Variants in CASZ1 observed in about 807,000 individuals in gnomAD.
The protein encoded by CASZ1 is castor zinc finger 1.
In CASZ1, 28 loss-of-function variants were observed where a neutral mutation model predicts 135.2. That is an observed-to-expected ratio of 0.21 (90% confidence interval 0.15 to 0.28). The LOEUF is 0.28. Among genes scored for constraint, CASZ1 ranks in the 10% least tolerant of loss-of-function variants. The pLI, the probability that CASZ1 is intolerant of heterozygous loss-of-function variation, is 1.00. For synonymous variants in CASZ1, 1,068 were observed against 1,073.4 expected, an observed-to-expected ratio of 0.99 and a Z score of 0.10; for missense variants, 2,161 against 2,453.3, an observed-to-expected ratio of 0.88 and a Z score of 2.52.
chr1:10,749,164 A>G (rs1245094631), intron 2 of CASZ1, among the ~76,000 whole-genome samples: 1 of 152,058 alleles, frequency 6.6e-6, no homozygotes, highest in Non-Finnish European at 1.5e-5. Flanking sequence ...ACACAGCCAG[A>G]TGGTCTCCAC....
rs371445629 is a variant in CASZ1 at position 10,660,509 on chromosome 1, G to T, written c.533C>A (p.Ala178Glu). The change falls in exon 6 of 21, where the codon GCG (alanine) becomes GAG (glutamate). Residue 178 changes from alanine (A) to glutamate (E), a missense_variant. By Grantham distance (107) the Ala-to-Glu change is moderately radical (BLOSUM62 -1). This residue lies in a region of CASZ1 where 590 missense variants were observed against 609.8 expected (regional missense o/e 0.97). Transcript: ENST00000377022. Reference protein sequence around the residue: ...SGEASSLRDYAASTMTEFLGM... With the variant: ...SGEASSLRDYEASTMTEFLGM... ...GAGGAACTCGGTCATGGTGGAGGCC[G>T]CGTAGTCCCGCAGCGAGGAGGCCTC... is the stretch of plus-strand genomic sequence containing the variant. 1 of 1,613,494 alleles carries T rather than the reference G, an allele frequency of 6.2e-7. No homozygotes were observed. Among genetic ancestry groups the T allele is most frequent in the Admixed American group, 1.7e-5 (1 of 60,008 alleles).
intron 4 of CASZ1, among the ~76,000 whole-genome samples, chr1:10,668,608 C>T (rs531700530): frequency 2.0e-4 from 30 of 152,350 alleles, no homozygotes; most frequent in Admixed American, 1.3e-3. Flanking sequence ...CTGCTGGTGG[C>T]GGTGCTCTTG....
chr1:10,780,474 T>C (rs1348485353), intron 1 of CASZ1, among the ~76,000 whole-genome samples: 1 of 152,152 alleles, frequency 6.6e-6, no homozygotes, highest in African/African-American at 2.4e-5. Context: ...CCCTCCCCGG[T>C]GGCCCCAGCT....
At chr1:10,680,505 G>C (rs1638379506) in intron 4 of CASZ1, among the ~76,000 whole-genome samples, 1 of 152,208 alleles carries the variant, frequency 6.6e-6, no homozygotes, top group Non-Finnish European at 1.5e-5. Context: ...CTCTGCCCTA[G>C]GGATCCTGGG....
At chr1:10,738,918 GTT>G (rs752101102) in intron 2 of CASZ1, among the ~76,000 whole-genome samples, 724 of 69,120 alleles carry the variant, frequency 0.01, 12 homozygotes, top group African/African-American at 0.036. Flanking sequence ...ATGAAGGAAG[GTT>G]TTTTTTTTTT....
intron 2 of CASZ1, among the ~76,000 whole-genome samples, chr1:10,736,950 C>T (rs1286686370): frequency 6.6e-6 from 1 of 152,192 alleles, no homozygotes; most frequent in East Asian, 1.9e-4. Context: ...GGAGCTGTGC[C>T]ACACTTCACC....
chr1:10,742,033 G>T (rs1203499712), intron 2 of CASZ1, among the ~76,000 whole-genome samples: 3 of 151,954 alleles, frequency 2.0e-5, no homozygotes, highest in Non-Finnish European at 4.4e-5. Flanking sequence ...CGGTGGTTCC[G>T]AGACACACTG....
rs1055579383 is a variant in CASZ1 at position 10,666,332 on chromosome 1, C to T, written c.17-761G>A. 1.3e-5 allele frequency among the ~76,000 whole-genome samples: 2 copies of T among 152,212 alleles called. No homozygotes were observed. The highest frequency in any genetic ancestry group is 2.9e-5 in the Non-Finnish European group (2 of 68,030). ...GTCTTCTCCAGCCCTTGCCAGCCCC[C>T]TCTTGGCCTCTCTGTCCATTTCCTG... On this transcript the variant is annotated intron_variant, in intron 4 of 20. Transcript: ENST00000377022. This position sits in a 1 kb window ranked among gnomAD's most constrained non-coding sequence, Gnocchi z 5.2.
intron 2 of CASZ1, among the ~76,000 whole-genome samples, chr1:10,753,951 T>C (rs1180106584): frequency 1.3e-5 from 2 of 152,204 alleles, no homozygotes; most frequent in African/African-American, 4.8e-5. Context: ...CTACGGGATC[T>C]GAGGGCCCCC....
chr1:10,712,847 A>G (rs1301968935), intron 2 of CASZ1, among the ~76,000 whole-genome samples: 2 of 152,214 alleles, frequency 1.3e-5, no homozygotes, highest in African/African-American at 4.8e-5. Context: ...CATGCTCCCC[A>G]GATAACTTTT....
intron 2 of CASZ1, among the ~76,000 whole-genome samples, chr1:10,744,318 T>G (rs1163829494): frequency 1.1e-4 from 14 of 131,680 alleles, no homozygotes; most frequent in South Asian, 2.6e-4. Context: ...GGGGGTGGGG[T>G]GGGGGGCATT....
chr1:10,766,144 C>G (rs551663585), intron 1 of CASZ1, among the ~76,000 whole-genome samples: 1 of 152,072 alleles, frequency 6.6e-6, no homozygotes, highest in South Asian at 2.1e-4. Context: ...TCTGCAGGAA[C>G]CAAATACCGT....
chr1:10,640,134 G>T, intron 20 of CASZ1, 75 bp from the exon 21 acceptor site: 1 of 1,526,008 alleles, frequency 6.6e-7, no homozygotes, highest in South Asian at 1.3e-5. Flanking sequence ...ACCCACATGG[G>T]ACCCCTGATC....
At chr1:10,763,977 C>T (rs764972068) in intron 1 of CASZ1, among the ~76,000 whole-genome samples, 5 of 152,230 alleles carry the variant, frequency 3.3e-5, no homozygotes, top group Non-Finnish European at 5.9e-5. Context: ...ATTCTCCTGC[C>T]TCAGCCTCCC....
chr1:10,716,798 G>A (rs1639402825), intron 2 of CASZ1, among the ~76,000 whole-genome samples: 1 of 152,196 alleles, frequency 6.6e-6, no homozygotes, highest in African/African-American at 2.4e-5. Flanking sequence ...GCTGAGACCC[G>A]GCCCTGAGCA....
chr1:10,761,957 A>C (rs1326343392), intron 1 of CASZ1, among the ~76,000 whole-genome samples: 1 of 152,088 alleles, frequency 6.6e-6, no homozygotes, highest in African/African-American at 2.4e-5. Flanking sequence ...TGCAGCAGCC[A>C]CAGCAGCTCT....
chr1:10,659,067 C>T (rs1022951471), intron 6 of CASZ1, among the ~76,000 whole-genome samples: 2 of 152,182 alleles, frequency 1.3e-5, no homozygotes, highest in Admixed American at 1.3e-4. Flanking sequence ...CTCGCTCAGC[C>T]CCACACCATC....
At position 10,676,543 on chromosome 1, in the gene CASZ1, C is replaced by T. The variant is rs1360119971; in HGVS notation, c.17-10972G>A. Among the ~76,000 whole-genome samples, 2 of 152,090 alleles carry T rather than the reference C, an allele frequency of 1.3e-5. No individual in the cohort carries two copies. Among genetic ancestry groups the T allele is most frequent in the Non-Finnish European group, 2.9e-5 (2 of 68,010 alleles). ...AACAAAGGGGCTCTCCTCCTGGGCTCCTCCATCTCTCTCTGTGCCTCTCCA... is the reference window on the plus strand; with the variant it reads ...AACAAAGGGGCTCTCCTCCTGGGCTTCTCCATCTCTCTCTGTGCCTCTCCA... On this transcript the variant is annotated intron_variant, in intron 4 of 20. Transcript: ENST00000377022. The surrounding 1 kb of genome is among the most constrained non-coding windows in gnomAD (Gnocchi z 4.5).
In CASZ1 at chr1:10,741,960, G is replaced by C. The variant is rs1366111987; in HGVS notation, c.-77+18741C>G. On this transcript the variant is annotated intron_variant, in intron 2 of 20. Transcript: ENST00000377022. This position sits in a 1 kb window ranked among gnomAD's most constrained non-coding sequence, Gnocchi z 5.0. ...ACCTAATGTGCCTAACCCAGCAAGC[G>C]CCGAGACACGGACCCCTCACCGCTT... Among the ~76,000 whole-genome samples the C allele has an allele frequency of 4.6e-5, 7 of 151,924 alleles. No homozygotes were observed. Among genetic ancestry groups the C allele is most frequent in the Non-Finnish European group, 5.9e-5 (4 of 67,990 alleles).
Sources: gnomAD v4.1 joint callset for allele counts (sites outside exome capture counted in the v4.1 genomes callset) on GRCh38, gnomAD v4.1.1 for gene constraint, gnomAD v4.1.1 regional missense constraint, Gnocchi (gnomAD v3.1) non-coding constraint, MANE v1.5 for transcripts, NCBI Gene and HGNC (gene_info 2026-07-23, HGNC 2026-07-21) for gene names.